The following ADAM10 variants were observed in gnomAD, a reference collection of about 807,000 sequenced individuals.
The protein encoded by ADAM10 is ADAM metallopeptidase domain 10.
Under a neutral mutation model 90.1 loss-of-function variants are expected in ADAM10, and 17 were observed. The observed-to-expected ratio is 0.19, with a 90% CI of 0.13 to 0.28. The LOEUF (loss-of-function observed/expected upper bound fraction) is 0.28. ADAM10 is among the 10% of genes least tolerant of loss of function. The pLI, the probability that ADAM10 is intolerant of heterozygous loss-of-function variation, is 1.00. For synonymous variants in ADAM10, 310 were observed against 298.6 expected (o/e 1.04, Z -0.40); for missense variants, 610 against 914.3 (o/e 0.67, Z 4.29).
intron 2 of ADAM10, chr15:58,686,448 TG>T: frequency 7.2e-7 from 1 of 1,388,620 alleles, no homozygotes; most frequent in Non-Finnish European, 1.0e-6. Context: ...CTGCAGTGCC[TG>T]GTGGAGCAGC....
intron 2 of ADAM10, among the ~76,000 whole-genome samples, chr15:58,686,829 G>C (rs1897616804): frequency 6.6e-6 from 1 of 152,118 alleles, no homozygotes; most frequent in South Asian, 2.1e-4. Context: ...AATAGTAATA[G>C]CTTGTTTTTT....
intron 5 of ADAM10, among the ~76,000 whole-genome samples, chr15:58,658,507 A>G (rs1416137877): frequency 6.6e-6 from 1 of 152,196 alleles, no homozygotes; most frequent in Admixed American, 6.5e-5. Flanking sequence ...TATAACTTTT[A>G]GAATCAGTTT....
At chr15:58,647,435 T>C (rs1896581281) in intron 5 of ADAM10, among the ~76,000 whole-genome samples, 1 of 151,426 alleles carries the variant, frequency 6.6e-6, no homozygotes, top group African/African-American at 2.4e-5. Flanking sequence ...TAATTTTGTT[T>C]CTGAATTTTT....
chr15:58,665,466 T>C (rs1240778579), intron 4 of ADAM10, among the ~76,000 whole-genome samples: 1 of 152,150 alleles, frequency 6.6e-6, no homozygotes, highest in Non-Finnish European at 1.5e-5. Context: ...CACTCATTAT[T>C]CTGACCCTAT....
chr15:58,693,153 A>G (rs778739680), intron 2 of ADAM10: 3 of 732,550 alleles, frequency 4.1e-6, no homozygotes, highest in South Asian at 4.0e-5. Context: ...CCTAAAAGGC[A>G]AAAGTCGCCA....
rs568866107 is a variant in ADAM10, at chr15:58,706,648, T to G, written c.206+10929A>C. ...GAACTGGAAGGGAAAGGAACAGGTC[T>G]GCAGAGGAGGAAGGGGGAAAGGGTA... On this transcript the variant is annotated intron_variant, in intron 2 of 15. Coordinates refer to ENST00000260408, the MANE Select transcript of ADAM10 (RefSeq NM_001110.4). 2.6e-5 allele frequency among the ~76,000 whole-genome samples: 4 copies of G among 152,144 alleles called. 1 individual carries two copies. The Middle Eastern group carries it at 0.014, about 517-fold the overall frequency.
chr15:58,664,682 C>T (rs905623750), intron 5 of ADAM10, among the ~76,000 whole-genome samples: 4 of 152,004 alleles, frequency 2.6e-5, no homozygotes, highest in South Asian at 2.1e-4. Flanking sequence ...AATTAAAATA[C>T]GAAAAGTCCT....
intron 4 of ADAM10, among the ~76,000 whole-genome samples, chr15:58,669,631 C>A (rs181028736): frequency 1.3e-5 from 2 of 152,178 alleles, no homozygotes; most frequent in African/African-American, 4.8e-5. Flanking sequence ...TTATTTCATC[C>A]CCTTGCCTCT....
At chr15:58,703,534 G>A (rs1247838096) in intron 2 of ADAM10, among the ~76,000 whole-genome samples, 5 of 152,128 alleles carry the variant, frequency 3.3e-5, no homozygotes, top group African/African-American at 1.2e-4. Flanking sequence ...ACCAAACTCT[G>A]ATTTTTGCTA....
At chr15:58,650,626 G>A (rs1338852153) in intron 5 of ADAM10, among the ~76,000 whole-genome samples, 2 of 152,024 alleles carry the variant, frequency 1.3e-5, no homozygotes, top group Non-Finnish European at 2.9e-5. Context: ...CTGGAGAAAA[G>A]GTAGAACCAA....
intron 8 of ADAM10, among the ~76,000 whole-genome samples, chr15:58,640,085 A>G (rs1896375042): frequency 6.6e-6 from 1 of 152,198 alleles, no homozygotes; most frequent in South Asian, 2.1e-4. Context: ...ACAGTAAATC[A>G]CAGCTCCTCC....
chr15:58,730,886 C>T (rs1024728109), intron 1 of ADAM10, among the ~76,000 whole-genome samples: 1 of 152,212 alleles, frequency 6.6e-6, no homozygotes, highest in East Asian at 1.9e-4. Flanking sequence ...CCAGCCTCTG[C>T]GGCCTTCAGC....
intron 5 of ADAM10, among the ~76,000 whole-genome samples, chr15:58,652,532 TA>T (rs1158960955): frequency 6.6e-6 from 1 of 152,150 alleles, no homozygotes; most frequent in Non-Finnish European, 1.5e-5. Context: ...GGCACCATTG[TA>T]AAAAATGCAC....
chr15:58,670,068 T>A (rs1449983632), intron 4 of ADAM10, among the ~76,000 whole-genome samples: 1 of 152,096 alleles, frequency 6.6e-6, no homozygotes, highest in African/African-American at 2.4e-5. Context: ...AAGTTATCAA[T>A]ATTATAAACT....
intron 3 of ADAM10, among the ~76,000 whole-genome samples, chr15:58,681,245 C>T (rs140323505): frequency 2.0e-4 from 31 of 152,286 alleles, no homozygotes; most frequent in Non-Finnish European, 4.0e-4. Context: ...GACAATATAA[C>T]ACTAAAGTCT....
chr15:58,708,070 C>T (rs1472509146), intron 2 of ADAM10, among the ~76,000 whole-genome samples: 1 of 151,410 alleles, frequency 6.6e-6, no homozygotes, highest in Non-Finnish European at 1.5e-5. Context: ...GAGCGAGACT[C>T]GGTCTCAAAA....
chr15:58,694,168 G>A (rs1463893080), intron 2 of ADAM10, among the ~76,000 whole-genome samples: 2 of 152,158 alleles, frequency 1.3e-5, no homozygotes, highest in Non-Finnish European at 2.9e-5. Context: ...ATAAAAACCA[G>A]GCCAGGCACA....
intron 5 of ADAM10, among the ~76,000 whole-genome samples, chr15:58,658,226 T>G (rs557990756): frequency 5.3e-5 from 8 of 152,184 alleles, no homozygotes; most frequent in South Asian, 2.1e-4. Context: ...CAATTTTTTT[T>G]TCATATGGAT....
intron 2 of ADAM10, 98 bp downstream of exon 2, chr15:58,717,479 C>T (rs1898700298): frequency 2.7e-6 from 4 of 1,474,474 alleles, no homozygotes; most frequent in South Asian, 2.4e-5. Flanking sequence ...AAATGAAGAC[C>T]TTGCATTAGA....
Sources: gnomAD v4.1 joint callset for allele counts (sites outside exome capture counted in the v4.1 genomes callset) on GRCh38, gnomAD v4.1.1 for gene constraint, MANE v1.5 for transcripts, NCBI Gene and HGNC (gene_info 2026-07-23, HGNC 2026-07-21) for gene names.